The following NOL4L variants were observed in gnomAD, a reference collection of about 807,000 sequenced individuals.
The protein encoded by NOL4L is nucleolar protein 4 like.
In NOL4L, 7 loss-of-function variants were observed where a neutral mutation model predicts 64.5. That is an observed-to-expected ratio of 0.11 (90% CI 0.06 to 0.20). NOL4L has a LOEUF of 0.20. Ranked by LOEUF, NOL4L falls within the 10% of genes least tolerant of loss-of-function variation. The pLI is 1.00. For missense variants in NOL4L, 680 were observed against 967.1 expected (o/e 0.70, Z 3.94); for synonymous variants, 413 against 401.0 (o/e 1.03, Z -0.36).
At chr20:32,517,606 C>G (rs1168511606) in intron 3 of NOL4L, among the ~76,000 whole-genome samples, 1 of 152,242 alleles carries the variant, frequency 6.6e-6, no homozygotes, top group African/African-American at 2.4e-5. Context: ...CCTTCTAACC[C>G]TGTCCAGGGT....
chr20:32,490,184 GTA>G (rs2016411872), intron 4 of NOL4L, among the ~76,000 whole-genome samples: 1 of 148,064 alleles, frequency 6.8e-6, no homozygotes. Context: ...CACACATTAT[GTA>G]TATATATGTT....
intron 1 of NOL4L, among the ~76,000 whole-genome samples, chr20:32,534,619 G>C (rs1016563741): frequency 1.3e-5 from 2 of 152,320 alleles, no homozygotes; most frequent in African/African-American, 2.4e-5. Flanking sequence ...TTGGGAGACA[G>C]AGGTGGGAGG....
At chr20:32,517,512 C>T (rs552938546) in intron 3 of NOL4L, among the ~76,000 whole-genome samples, 10 of 152,348 alleles carry the variant, frequency 6.6e-5, no homozygotes, top group Non-Finnish European at 1.3e-4. Context: ...GTCCAGGAGG[C>T]GAATGCCTCT....
chr20:32,511,250 T>C (rs943342788), intron 4 of NOL4L, 97 bp downstream of exon 4: 20 of 746,490 alleles, frequency 2.7e-5, no homozygotes, highest in Non-Finnish European at 4.3e-5. Context: ...TTCCCGTGTG[T>C]TTACACAAGC....
chr20:32,451,919 C>T (rs1379884524), intron 10 of NOL4L, among the ~76,000 whole-genome samples: 1 of 152,172 alleles, frequency 6.6e-6, no homozygotes, highest in African/African-American at 2.4e-5. Flanking sequence ...CCACAGGGAC[C>T]CTGGGGGAGT....
intron 3 of NOL4L, chr20:32,519,893 C>T (rs1371385275): frequency 6.6e-6 from 1 of 152,312 alleles, no homozygotes. Flanking sequence ...ACTGCAGCTT[C>T]CACCTCCCGG....
chr20:32,526,014 T>C (rs1486518347), intron 2 of NOL4L, among the ~76,000 whole-genome samples: 1 of 152,168 alleles, frequency 6.6e-6, no homozygotes, highest in East Asian at 1.9e-4. Context: ...TGTCTCGGCC[T>C]CCCAAAGTGC....
chr20:32,562,862 G>A (rs1295339516), intron 1 of NOL4L, among the ~76,000 whole-genome samples: 6 of 142,382 alleles, frequency 4.2e-5, no homozygotes, highest in Non-Finnish European at 9.1e-5. Context: ...TGTTGCTCCA[G>A]AAGCTACTGT....
chr20:32,562,646 C>T (rs1979103368), intron 1 of NOL4L, among the ~76,000 whole-genome samples: 1 of 152,218 alleles, frequency 6.6e-6, no homozygotes, highest in South Asian at 2.1e-4. Context: ...ATCTCCTCCC[C>T]GGAGTCACCA....
chr20:32,567,671 A>T (rs1358558173), intron 1 of NOL4L, among the ~76,000 whole-genome samples: 1 of 152,192 alleles, frequency 6.6e-6, no homozygotes, highest in Non-Finnish European at 1.5e-5. Context: ...CCCTTTGCTC[A>T]CAGGGGCCCT....
intron 5 of NOL4L, chr20:32,465,099 T>C (rs2014430126): frequency 3.6e-6 from 2 of 554,870 alleles, no homozygotes; most frequent in African/African-American, 2.0e-5. Flanking sequence ...TTGGGACAGG[T>C]GGCTCAAGCG....
Position 32,447,256 on chromosome 20 carries a change from G to C in NOL4L, c.*340C>G, listed in dbSNP as rs1177012846. The C allele has an allele frequency of 1.9e-6, 1 of 536,822 alleles. No homozygotes were observed. Among genetic ancestry groups the C allele is most frequent in the African/African-American group, 1.9e-5 (1 of 53,158 alleles). The allele number at this position is 536,822 out of a possible 1,614,324, so 33.3% of individuals were successfully genotyped here. On this transcript the variant is annotated 3_prime_UTR_variant, in exon 11 of 11. Transcript: ENST00000621426. ...CCTAAGACTTGAAAGGTAATTATCTGGGGGTGGGATTCTAACATCAGGGTC... is the reference window on the plus strand; with the variant it reads ...CCTAAGACTTGAAAGGTAATTATCTCGGGGTGGGATTCTAACATCAGGGTC...
chr20:32,478,027 G>T (rs535230424), intron 4 of NOL4L, among the ~76,000 whole-genome samples: 1 of 152,098 alleles, frequency 6.6e-6, no homozygotes, highest in Non-Finnish European at 1.5e-5. Context: ...TGCGAGGCCC[G>T]CCCCGCCTGC....
Position 32,584,971 on chromosome 20 carries a change from A to G in NOL4L, c.-81T>C, listed in dbSNP as rs1042323093. ...CCGGGACTGGGCTGGGCTGGGCTGG[A>G]CCGGGCCGGGACGCGCCGCGGCCGC... On this transcript the variant is annotated 5_prime_UTR_variant, in exon 1 of 11. Transcript: ENST00000621426. 3 of 825,132 alleles carry G rather than the reference A, an allele frequency of 3.6e-6. No individual in the cohort carries two copies. In the African/African-American group the frequency reaches 5.6e-5, roughly 16 times the overall value. 51.1% of individuals were successfully genotyped at this position (825,132 alleles called of 1,614,324 possible).
rs10692885 is a variant in NOL4L, at chr20:32,499,738, CAAAAAAAAA to C, written c.699+11600_699+11608del. Among the ~76,000 whole-genome samples, 25 of 51,360 alleles carry C rather than the reference CAAAAAAAAA, an allele frequency of 4.9e-4. 1 individual carries two copies. Among genetic ancestry groups the C allele is most frequent in the African/African-American group, 1.9e-3 (23 of 11,842 alleles). 33.7% of individuals were successfully genotyped at this position (51,360 alleles called of 152,430 possible). A position where few individuals can be genotyped will look rare whatever the true frequency, so the allele number is the denominator to read the frequency against. ...TGGGCAACAGAGGGAGACCTTGTCT[CAAAAAAAAA>C]AAAAAAAAAAAAAGGAACAATTATT... On this transcript the variant is annotated intron_variant, in intron 4 of 10. Coordinates refer to ENST00000621426, the MANE Select transcript of NOL4L (RefSeq NM_001256798.2).
intron 4 of NOL4L, among the ~76,000 whole-genome samples, chr20:32,482,603 T>C (rs559694584): frequency 6.6e-6 from 1 of 151,564 alleles, no homozygotes; most frequent in Non-Finnish European, 1.5e-5. Context: ...GGCGGCCGGC[T>C]GCCCCCGCCC....
At chr20:32,555,442 G>A (rs1978588282) in intron 1 of NOL4L, among the ~76,000 whole-genome samples, 1 of 152,010 alleles carries the variant, frequency 6.6e-6, no homozygotes, top group African/African-American at 2.4e-5. Flanking sequence ...TGGGACTACA[G>A]GCATGTAACA....
intron 1 of NOL4L, among the ~76,000 whole-genome samples, chr20:32,575,215 C>T (rs1384978096): frequency 6.6e-6 from 1 of 152,154 alleles, no homozygotes; most frequent in African/African-American, 2.4e-5. Flanking sequence ...TCTCTCTCCT[C>T]CATCTGGCCC....
At chr20:32,452,552 T>A in intron 9 of NOL4L, 115 bp from the exon 10 acceptor site, 1 of 1,009,600 alleles carries the variant, frequency 9.9e-7, no homozygotes, top group Non-Finnish European at 1.4e-6. Context: ...GACCCAATGC[T>A]GCGGTTTGAC....
Sources: gnomAD v4.1 joint callset for allele counts (sites outside exome capture counted in the v4.1 genomes callset) on GRCh38, gnomAD v4.1.1 for gene constraint, MANE v1.5 for transcripts, NCBI Gene and HGNC (gene_info 2026-07-23, HGNC 2026-07-21) for gene names.